KCNIP4: variants seen among roughly 807,000 people sequenced by gnomAD.
The protein encoded by KCNIP4 is Kv channel-interacting protein 4.
Under a neutral mutation model 34.0 loss-of-function variants are expected in KCNIP4, and 12 were observed. That is an observed-to-expected ratio of 0.35 (90% confidence interval 0.23 to 0.57). The LOEUF (loss-of-function observed/expected upper bound fraction) is 0.57. Among genes scored for constraint, KCNIP4 ranks in the 20% least tolerant of loss-of-function variants. The pLI is 0.83. For synonymous variants in KCNIP4, 124 were observed against 102.2 expected (o/e 1.21, Z -1.29); for missense variants, 238 against 311.7 (o/e 0.76, Z 1.78).
chr4:21,816,808 G>A lies in KCNIP4; in HGVS notation c.61+131763C>T, dbSNP rs147768358. Among the ~76,000 whole-genome samples, 38 of 152,184 alleles carry A rather than the reference G, an allele frequency of 2.5e-4. 2 individuals carry two copies. In the East Asian group the frequency reaches 7.4e-3, roughly 30 times the overall value. Reference sequence around the variant, plus strand: ...CAGGTAGCAAAATCATTGTGAAGCTGCCCAATCTGGAGCATATTTCTTGGG... The same window carrying A: ...CAGGTAGCAAAATCATTGTGAAGCTACCCAATCTGGAGCATATTTCTTGGG... On this transcript the variant is annotated intron_variant, in intron 1 of 8. Coordinates refer to ENST00000382152, the MANE Select transcript of KCNIP4 (RefSeq NM_025221.6).
chr4:21,852,140 G>A (rs1197574896), intron 1 of KCNIP4: 1 of 152,076 alleles, frequency 6.6e-6, no homozygotes, highest in East Asian at 1.9e-4. Context: ...TAAGGTCACT[G>A]TCAAGATAAG....
intron 1 of KCNIP4, among the ~76,000 whole-genome samples, chr4:21,349,838 G>A (rs1717832561): frequency 2.6e-5 from 4 of 152,086 alleles, no homozygotes; most frequent in Admixed American, 2.6e-4. Flanking sequence ...TCAAGTATGG[G>A]GTACAAGCAC....
At chr4:21,780,732 T>A (rs1277429318) in intron 1 of KCNIP4, among the ~76,000 whole-genome samples, 1 of 152,212 alleles carries the variant, frequency 6.6e-6, no homozygotes. Context: ...CTAGAGCTGC[T>A]GAAACAAATT....
intron 1 of KCNIP4, among the ~76,000 whole-genome samples, chr4:21,238,365 G>A (rs1227740503): frequency 1.3e-5 from 2 of 152,158 alleles, no homozygotes; most frequent in African/African-American, 2.4e-5. Flanking sequence ...ACATAATGTT[G>A]GAAGTGCTGG....
chr4:21,924,511 T>C (rs1729124466), intron 1 of KCNIP4, among the ~76,000 whole-genome samples: 1 of 152,162 alleles, frequency 6.6e-6, no homozygotes, highest in African/African-American at 2.4e-5. Context: ...CCCAAAGTGC[T>C]GGGATTACAG....
chr4:21,316,268 A>G (rs1192537617), intron 1 of KCNIP4: 1 of 152,150 alleles, frequency 6.6e-6, no homozygotes, highest in Non-Finnish European at 1.5e-5. Context: ...TCTGATTTAT[A>G]TTTCTCTCCT....
chr4:21,261,147 G>A (rs561414618), intron 1 of KCNIP4, among the ~76,000 whole-genome samples: 120 of 152,224 alleles, frequency 7.9e-4, no homozygotes, highest in Middle Eastern at 3.4e-3. Flanking sequence ...TCCATAGAAG[G>A]CTTGATTATA....
At chr4:21,332,249 C>A (rs1469342111) in intron 1 of KCNIP4, among the ~76,000 whole-genome samples, 1 of 151,932 alleles carries the variant, frequency 6.6e-6, no homozygotes, top group African/African-American at 2.4e-5. Context: ...ATACTATAAG[C>A]TAATTAATAT....
intron 1 of KCNIP4, among the ~76,000 whole-genome samples, chr4:21,854,469 A>T (rs553254670): frequency 1.3e-5 from 2 of 152,220 alleles, no homozygotes; most frequent in African/African-American, 4.8e-5. Context: ...CCAAATCTAC[A>T]TTGGTCTTCT....
At chr4:21,334,147 C>T (rs1014355176) in intron 1 of KCNIP4, among the ~76,000 whole-genome samples, 2 of 151,978 alleles carry the variant, frequency 1.3e-5, no homozygotes, top group Non-Finnish European at 2.9e-5. Context: ...AGAGTTAAAG[C>T]TCAGAAATCA....
intron 1 of KCNIP4, among the ~76,000 whole-genome samples, chr4:21,667,395 A>C (rs571348831): frequency 1.3e-5 from 2 of 152,326 alleles, no homozygotes; most frequent in Admixed American, 1.3e-4. Flanking sequence ...AAGACATCAC[A>C]CACAAACAAT....
Position 21,797,404 on chromosome 4 carries a change from C to G in KCNIP4, c.61+151167G>C, listed in dbSNP as rs555669125. On this transcript the variant is annotated intron_variant, in intron 1 of 8. Coordinates refer to ENST00000382152, the MANE Select transcript of KCNIP4 (RefSeq NM_025221.6). ...AAGTTATCCTCCTGCCTCAGCCTCC[C>G]AAAGTGCTGGAATTACAGGTATGAG... 1.1e-4 allele frequency among the ~76,000 whole-genome samples: 17 copies of G among 152,252 alleles called. No individual in the cohort carries two copies. In the South Asian group the frequency reaches 3.5e-3, roughly 32 times the overall value.
At chr4:20,833,036 C>T (rs10020916) in intron 3 of KCNIP4, among the ~76,000 whole-genome samples, 4,112 of 152,256 alleles carry the variant, frequency 0.027, 104 homozygotes, top group African/African-American at 0.066. Flanking sequence ...TAGGTCCAGG[C>T]TCTGTCACCA....
intron 1 of KCNIP4, among the ~76,000 whole-genome samples, chr4:20,966,660 G>A (rs1734379449): frequency 1.3e-5 from 2 of 152,116 alleles, no homozygotes; most frequent in African/African-American, 4.8e-5. Context: ...ACAGAACTAA[G>A]CTTATTATAA....
intron 1 of KCNIP4, among the ~76,000 whole-genome samples, chr4:21,193,568 T>A (rs1247294422): frequency 7.3e-6 from 1 of 136,392 alleles, no homozygotes; most frequent in East Asian, 2.1e-4. Context: ...ATTGCAATTT[T>A]AAATTTTTTT....
Position 21,715,280 on chromosome 4 carries a change from C to T in KCNIP4, c.61+233291G>A, listed in dbSNP as rs369920293. Among the ~76,000 whole-genome samples the T allele has an allele frequency of 6.6e-5, 10 of 151,572 alleles. No homozygotes were observed. In the East Asian group the frequency reaches 7.8e-4, roughly 12 times the overall value. On this transcript the variant is annotated intron_variant, in intron 1 of 8. Transcript: ENST00000382152. ...CCAAGTACCTGGGACTACAGGCGCC[C>T]GCCATCATGCCCGGCTAATTTTTCT...
At chr4:21,428,029 A>G (rs1351361292) in intron 1 of KCNIP4, among the ~76,000 whole-genome samples, 5 of 152,204 alleles carry the variant, frequency 3.3e-5, no homozygotes. Context: ...AGGGTAAAGG[A>G]GAGAGTATTT....
chr4:20,857,044 TAAA>T (rs35194977), intron 2 of KCNIP4, among the ~76,000 whole-genome samples: 7 of 135,594 alleles, frequency 5.2e-5, no homozygotes, highest in Admixed American at 7.5e-5. Context: ...CATGCAGTAT[TAAA>T]AAAAAAAAAA....
chr4:21,828,217 T>C (rs945242503), intron 1 of KCNIP4, among the ~76,000 whole-genome samples: 1 of 151,448 alleles, frequency 6.6e-6, no homozygotes, highest in African/African-American at 2.4e-5. Context: ...TACATAACAA[T>C]TGAAATTAAT....
Sources: gnomAD v4.1 joint callset for allele counts (sites outside exome capture counted in the v4.1 genomes callset) on GRCh38, gnomAD v4.1.1 for gene constraint, MANE v1.5 for transcripts, NCBI Gene and HGNC (gene_info 2026-07-23, HGNC 2026-07-21) for gene names.